The following TECPR2 variants were observed in gnomAD, a reference collection of about 807,000 sequenced individuals.
The protein encoded by TECPR2 is tectonin beta-propeller repeat containing 2.
Under a neutral mutation model 138.1 loss-of-function variants are expected in TECPR2, and 65 were observed. The observed-to-expected ratio is 0.47, with a 90% CI of 0.39 to 0.58. The LOEUF (loss-of-function observed/expected upper bound fraction) is 0.58, where lower values mean the gene tolerates loss of function less well. Among genes scored for constraint, TECPR2 ranks in the 20% least tolerant of loss-of-function variants. TECPR2 has a pLI of 0.00. For synonymous variants in TECPR2, 746 were observed against 749.8 expected (o/e 0.99, Z 0.08); for missense variants, 1,553 against 1,824.5 (o/e 0.85, Z 2.71).
At chr14:102,474,352 C>T (rs572395737) in intron 17 of TECPR2, among the ~76,000 whole-genome samples, 18 of 152,278 alleles carry the variant, frequency 1.2e-4, no homozygotes, top group African/African-American at 4.3e-4. Flanking sequence ...GGGCCGGGCA[C>T]GGTGGCTCAT....
chr14:102,401,005 C>G (rs901254631), intron 2 of TECPR2, among the ~76,000 whole-genome samples: 1 of 151,876 alleles, frequency 6.6e-6, no homozygotes, highest in African/African-American at 2.4e-5. Flanking sequence ...TGCACTCCAG[C>G]CTGGGCAACA....
rs894765778 is a variant in TECPR2, at chr14:102,419,239, G to A, written c.638+4446G>A. ...GGGCTGAGGCAGCTTCGACGGGCCT[G>A]AGTCTGTAGCATGGAGGCTGTGCAC... On this transcript the variant is annotated intron_variant, in intron 5 of 19. Transcript: ENST00000359520. This position sits in a 1 kb window ranked among gnomAD's most constrained non-coding sequence, Gnocchi z 4.8. Among the ~76,000 whole-genome samples the A allele has an allele frequency of 1.3e-5, 2 of 152,140 alleles. No individual in the cohort carries two copies. Among genetic ancestry groups the A allele is most frequent in the Admixed American group, 6.5e-5 (1 of 15,282 alleles).
intron 2 of TECPR2, among the ~76,000 whole-genome samples, chr14:102,395,128 C>G (rs1888281827): frequency 1.3e-5 from 2 of 152,158 alleles, no homozygotes; most frequent in Non-Finnish European, 1.5e-5. Flanking sequence ...TGAAAATACC[C>G]TGAAAGCTTT....
At chr14:102,432,196 T>C in intron 8 of TECPR2, 68 bp downstream of exon 8, 2 of 1,398,838 alleles carry the variant, frequency 1.4e-6, no homozygotes, top group South Asian at 1.5e-5. Flanking sequence ...GGAGTGCTGC[T>C]GCTCACTGAG....
chr14:102,415,983 G>A lies in TECPR2; in HGVS notation c.638+1190G>A, dbSNP rs763408277. On this transcript the variant is annotated intron_variant, in intron 5 of 19. Coordinates refer to ENST00000359520, the MANE Select transcript of TECPR2 (RefSeq NM_014844.5). This position sits in a 1 kb window ranked among gnomAD's most constrained non-coding sequence, Gnocchi z 4.3. Reference sequence around the variant, plus strand: ...GCCCCTGTGGTCGTAGTCACTGCCCGTTATTCTGTGTTCTGGGCTTTGCGG... The same window carrying A: ...GCCCCTGTGGTCGTAGTCACTGCCCATTATTCTGTGTTCTGGGCTTTGCGG... Among the ~76,000 whole-genome samples the A allele has an allele frequency of 1.3e-5, 2 of 152,178 alleles. No individual in the cohort carries two copies. The highest frequency in any genetic ancestry group is 2.9e-5 in the Non-Finnish European group (2 of 68,036).
intron 9 of TECPR2, 54 bp from the exon 10 acceptor site, chr14:102,437,968 G>A: frequency 6.3e-7 from 1 of 1,581,258 alleles, no homozygotes; most frequent in East Asian, 2.3e-5. Flanking sequence ...AGAACAGTAA[G>A]CCAAATGTGG....
At chr14:102,408,084 A>C (rs1888712689) in intron 3 of TECPR2, among the ~76,000 whole-genome samples, 1 of 151,478 alleles carries the variant, frequency 6.6e-6, no homozygotes, top group African/African-American at 2.4e-5. Flanking sequence ...CAGGAGAATC[A>C]CTTGAACCCG....
intron 10 of TECPR2, among the ~76,000 whole-genome samples, chr14:102,440,094 C>T (rs540526582): frequency 1.3e-5 from 2 of 152,328 alleles, no homozygotes; most frequent in South Asian, 2.1e-4. Flanking sequence ...TTTCTCCTCC[C>T]GTGTGAGGAG....
intron 17 of TECPR2, among the ~76,000 whole-genome samples, chr14:102,477,649 C>T (rs1890794703): frequency 7.0e-6 from 1 of 142,540 alleles, no homozygotes; most frequent in South Asian, 2.4e-4. Flanking sequence ...CTCCTGGGTT[C>T]ATACCATTCT....
intron 2 of TECPR2, among the ~76,000 whole-genome samples, chr14:102,406,219 G>A (rs761986679): frequency 5.3e-5 from 8 of 152,154 alleles, no homozygotes; most frequent in Non-Finnish European, 1.0e-4. Context: ...AGGGATACTG[G>A]TAATTTTACG....
intron 2 of TECPR2, 61 bp from the exon 3 acceptor site, chr14:102,407,277 T>C: frequency 3.9e-6 from 6 of 1,526,884 alleles, no homozygotes; most frequent in Non-Finnish European, 5.3e-6. Flanking sequence ...AATGTCCTCC[T>C]TGTTTTACAT....
intron 17 of TECPR2, among the ~76,000 whole-genome samples, chr14:102,487,125 G>A (rs528530969): frequency 1.6e-4 from 24 of 152,328 alleles, no homozygotes; most frequent in African/African-American, 5.5e-4. Flanking sequence ...CAGGGAGGGA[G>A]AGAGACTTGG....
At chr14:102,399,852 A>G (rs577627954) in intron 2 of TECPR2, among the ~76,000 whole-genome samples, 2 of 151,928 alleles carry the variant, frequency 1.3e-5, no homozygotes, top group African/African-American at 4.8e-5. Flanking sequence ...GAAGAAAAAA[A>G]AAAAAGAAAA....
rs112301784 is a variant in TECPR2, at chr14:102,453,011, A to T, written c.3640+384A>T. ...GATGGGTGTTCCCTATGACAGGATC[A>T]GTGCCACGTTTGTCTATCTCCTCAG... On this transcript the variant is annotated intron_variant, in intron 16 of 19. Coordinates refer to ENST00000359520, the MANE Select transcript of TECPR2 (RefSeq NM_014844.5). 6.8e-3 allele frequency among the ~76,000 whole-genome samples: 1,042 copies of T among 152,332 alleles called. 16 individuals are homozygous for T. The highest frequency in any genetic ancestry group is 0.024 in the African/African-American group (1,007 of 41,582).
intron 1 of TECPR2, among the ~76,000 whole-genome samples, chr14:102,365,701 G>C (rs1203411325): frequency 6.6e-6 from 1 of 152,190 alleles, no homozygotes; most frequent in Non-Finnish European, 1.5e-5. Flanking sequence ...ATCAGTGGTT[G>C]CCCAGGGCTG....
chr14:102,472,903 G>A (rs985986567), intron 17 of TECPR2, among the ~76,000 whole-genome samples: 11 of 152,370 alleles, frequency 7.2e-5, no homozygotes, highest in African/African-American at 2.6e-4. Flanking sequence ...CTTCTCCCGG[G>A]CTGCTGGCAC....
intron 9 of TECPR2, chr14:102,436,933 G>T: frequency 1.0e-6 from 1 of 959,914 alleles, no homozygotes; most frequent in African/African-American, 1.8e-5. Flanking sequence ...TGGAATTCTA[G>T]GCCAGAAATT....
At chr14:102,462,284 G>A (rs893800944) in intron 16 of TECPR2, among the ~76,000 whole-genome samples, 3 of 152,204 alleles carry the variant, frequency 2.0e-5, no homozygotes, top group Non-Finnish European at 4.4e-5. Context: ...TAGAGTTACT[G>A]TTGAAGGTAC....
In TECPR2 at chr14:102,449,629, G is replaced by T; in HGVS notation, c.3076G>T (p.Val1026Leu). The part of the protein sequence containing the change: ...PQGDDDHWWQ[V>L]SITDYVVFDQ... Reference sequence around the variant, plus strand: ...GCTTTTGCTTGTCTCCTCCTTCCAGGTGAGCATCACGGACTATGTGGTGTT... The same window carrying T: ...GCTTTTGCTTGTCTCCTCCTTCCAGTTGAGCATCACGGACTATGTGGTGTT... Residue 1026 changes from valine to leucine, a missense_variant and splice_region_variant, in exon 14 of 20, where the codon GTG becomes TTG. Physicochemically the swap from Val to Leu is conservative, Grantham distance 32. Transcript: ENST00000359520. 1 of 1,613,934 alleles carries T rather than the reference G, an allele frequency of 6.2e-7. No individual in the cohort carries two copies. Among genetic ancestry groups the T allele is most frequent in the South Asian group, 1.1e-5 (1 of 91,070 alleles).
Sources: gnomAD v4.1 joint callset for allele counts (sites outside exome capture counted in the v4.1 genomes callset) on GRCh38, gnomAD v4.1.1 for gene constraint, Gnocchi (gnomAD v3.1) non-coding constraint, MANE v1.5 for transcripts, NCBI Gene and HGNC (gene_info 2026-07-23, HGNC 2026-07-21) for gene names.